The following KCNIP4 variants were observed in gnomAD, a reference collection of about 807,000 sequenced individuals.
KCNIP4 encodes the protein Kv channel-interacting protein 4.
KCNIP4 carries 12 observed loss-of-function variants against 34.0 expected under a neutral mutation model. The ratio of observed to expected loss-of-function variants is 0.35; its 90% CI spans 0.23 to 0.57. The LOEUF (loss-of-function observed/expected upper bound fraction) is 0.57, where lower values mean the gene tolerates loss of function less well. Ranked by LOEUF, KCNIP4 falls within the 20% of genes least tolerant of loss-of-function variation. The pLI is 0.83. For synonymous variants in KCNIP4, 124 were observed against 102.2 expected (o/e 1.21, Z -1.29); for missense variants, 238 against 311.7 (o/e 0.76, Z 1.78).
At chr4:21,359,079 G>A (rs998097537) in intron 1 of KCNIP4, among the ~76,000 whole-genome samples, 1 of 151,602 alleles carries the variant, frequency 6.6e-6, no homozygotes, top group African/African-American at 2.4e-5. Flanking sequence ...AACTTCCTAA[G>A]ACCTGTCTTA....
intron 1 of KCNIP4, among the ~76,000 whole-genome samples, chr4:21,536,156 C>G (rs908990333): frequency 6.6e-6 from 1 of 152,068 alleles, no homozygotes; most frequent in African/African-American, 2.4e-5. Flanking sequence ...TTATATAATT[C>G]CAGAAGGTCA....
At chr4:20,836,480 G>A (rs953799495) in intron 3 of KCNIP4, among the ~76,000 whole-genome samples, 2 of 152,160 alleles carry the variant, frequency 1.3e-5, no homozygotes, top group Non-Finnish European at 2.9e-5. Flanking sequence ...TCCATCTGTG[G>A]ATTTATTTTA....
intron 1 of KCNIP4, among the ~76,000 whole-genome samples, chr4:21,940,302 G>A (rs575267144): frequency 6.6e-6 from 1 of 152,210 alleles, no homozygotes; most frequent in Non-Finnish European, 1.5e-5. Context: ...TATTCTATAG[G>A]TCCCCAAAGA....
chr4:20,985,627 G>A (rs2149698074), intron 1 of KCNIP4, among the ~76,000 whole-genome samples: 1 of 151,892 alleles, frequency 6.6e-6, no homozygotes, highest in South Asian at 2.1e-4. Flanking sequence ...ATGATCAAAT[G>A]ATGAATAATA....
intron 1 of KCNIP4, among the ~76,000 whole-genome samples, chr4:21,128,953 T>A (rs1049550269): frequency 6.6e-6 from 1 of 152,232 alleles, no homozygotes. Context: ...AATCACTTTA[T>A]AGGCTTGACG....
At chr4:21,868,349 C>A (rs1440627711) in intron 1 of KCNIP4, among the ~76,000 whole-genome samples, 2 of 151,346 alleles carry the variant, frequency 1.3e-5, no homozygotes, top group African/African-American at 2.4e-5. Flanking sequence ...TATATTGTAC[C>A]CCATAAATAT....
intron 1 of KCNIP4, among the ~76,000 whole-genome samples, chr4:20,903,930 A>C (rs1025456020): frequency 2.6e-5 from 4 of 152,042 alleles, no homozygotes; most frequent in Admixed American, 2.6e-4. Flanking sequence ...GCCCCACTCT[A>C]TTAGATTATC....
intron 1 of KCNIP4, among the ~76,000 whole-genome samples, chr4:21,710,058 A>G (rs1479171440): frequency 6.6e-6 from 1 of 152,238 alleles, no homozygotes; most frequent in Non-Finnish European, 1.5e-5. Flanking sequence ...GAACAGCAAC[A>G]AGACATAACT....
chr4:21,144,045 T>C (rs184673908), intron 1 of KCNIP4, among the ~76,000 whole-genome samples: 1 of 152,166 alleles, frequency 6.6e-6, no homozygotes, highest in Admixed American at 6.5e-5. Flanking sequence ...TGCCTTTAAC[T>C]CCCCTTGAGT....
At chr4:21,660,407 T>G (rs1478171927) in intron 1 of KCNIP4, among the ~76,000 whole-genome samples, 1 of 152,172 alleles carries the variant, frequency 6.6e-6, no homozygotes, top group Non-Finnish European at 1.5e-5. Flanking sequence ...CTAAAGTAAT[T>G]TCTACATTTA....
intron 1 of KCNIP4, among the ~76,000 whole-genome samples, chr4:21,007,305 G>A (rs537175056): frequency 6.6e-6 from 1 of 152,148 alleles, no homozygotes; most frequent in Non-Finnish European, 1.5e-5. Flanking sequence ...ACAGAAAGAA[G>A]TCATCCAAGA....
chr4:21,555,968 C>T (rs1373666506), intron 1 of KCNIP4, among the ~76,000 whole-genome samples: 1 of 152,062 alleles, frequency 6.6e-6, no homozygotes, highest in Admixed American at 6.5e-5. Flanking sequence ...AATGCACACT[C>T]GGTTAACCCT....
intron 1 of KCNIP4, among the ~76,000 whole-genome samples, chr4:21,008,712 G>C (rs1286959530): frequency 6.6e-6 from 1 of 151,600 alleles, no homozygotes; most frequent in Non-Finnish European, 1.5e-5. Flanking sequence ...TTTTAGTAGA[G>C]ACGGGGTTTC....
intron 1 of KCNIP4, among the ~76,000 whole-genome samples, chr4:21,516,102 C>T (rs1204394944): frequency 2.0e-5 from 3 of 152,158 alleles, no homozygotes; most frequent in African/African-American, 7.2e-5. Flanking sequence ...TGAAAAACAT[C>T]TAGCAAGGAA....
chr4:21,315,996 T>A (rs966318433), intron 1 of KCNIP4, among the ~76,000 whole-genome samples: 1 of 152,222 alleles, frequency 6.6e-6, no homozygotes, highest in African/African-American at 2.4e-5. Context: ...CATGAGAAAC[T>A]ACTGCTGTAA....
chr4:21,533,788 C>G (rs556683165), intron 1 of KCNIP4, among the ~76,000 whole-genome samples: 9 of 152,152 alleles, frequency 5.9e-5, no homozygotes, highest in Admixed American at 4.6e-4. Context: ...GAATCTGGAC[C>G]AATTCCTGCA....
rs528420350 is a variant in KCNIP4 at position 21,948,121 on chromosome 4, A to G, written c.61+450T>C. 2.6e-5 allele frequency among the ~76,000 whole-genome samples: 4 copies of G among 152,348 alleles called. No homozygotes were observed. The South Asian group carries it at 8.3e-4, about 32-fold the overall frequency. On this transcript the variant is annotated intron_variant, in intron 1 of 8. Transcript: ENST00000382152. ...GATGCCGCCAGTATATTACCAGGGG[A>G]CAAAAATACAGTTGTAATGAAGAAA...
At chr4:21,031,163 C>T (rs933400650) in intron 1 of KCNIP4, among the ~76,000 whole-genome samples, 2 of 152,200 alleles carry the variant, frequency 1.3e-5, no homozygotes, top group African/African-American at 4.8e-5. Flanking sequence ...TTCCTTGTTC[C>T]CCATTCCCAC....
intron 1 of KCNIP4, among the ~76,000 whole-genome samples, chr4:21,376,258 G>A (rs1313502333): frequency 6.6e-6 from 1 of 152,138 alleles, no homozygotes; most frequent in East Asian, 1.9e-4. Context: ...CTTCTCCAAA[G>A]TGTAACGCAT....
Sources: allele counts gnomAD v4.1 joint callset (sites outside exome capture counted in the v4.1 genomes callset), GRCh38; gene constraint gnomAD v4.1.1; transcripts MANE v1.5; gene names NCBI Gene and HGNC (gene_info 2026-07-23, HGNC 2026-07-21).